ZFAND3: variants seen among roughly 807,000 people sequenced by gnomAD.
ZFAND3 encodes the protein AN1-type zinc finger protein 3.
A neutral mutation model predicts 29.6 loss-of-function variants in ZFAND3; 10 were observed. The observed-to-expected ratio is 0.34, with a 90% confidence interval of 0.21 to 0.57. ZFAND3 has a LOEUF of 0.57. Among genes scored for constraint, ZFAND3 ranks in the 20% least tolerant of loss-of-function variants. ZFAND3 has a pLI of 0.86. For missense variants in ZFAND3, 230 were observed against 304.5 expected, an observed-to-expected ratio of 0.76 and a Z score of 1.82; for synonymous variants, 128 against 112.6, an observed-to-expected ratio of 1.14 and a Z score of -0.87.
At chr6:37,854,184 C>T (rs975856192) in intron 1 of ZFAND3, among the ~76,000 whole-genome samples, 4 of 152,168 alleles carry the variant, frequency 2.6e-5, no homozygotes, top group African/African-American at 7.2e-5. Flanking sequence ...CTCCTGACCT[C>T]AGGTGATCCG....
intron 2 of ZFAND3, among the ~76,000 whole-genome samples, chr6:37,948,613 ATCC>A (rs1407705768): frequency 6.6e-6 from 1 of 152,140 alleles, no homozygotes; most frequent in Non-Finnish European, 1.5e-5. Flanking sequence ...CCCTCCTTCC[ATCC>A]TCCACCCCTA....
intron 2 of ZFAND3, among the ~76,000 whole-genome samples, chr6:37,978,931 C>G (rs1004883863): frequency 2.7e-5 from 4 of 150,774 alleles, no homozygotes; most frequent in Non-Finnish European, 4.4e-5. Flanking sequence ...AGACACCTCT[C>G]ATTTCTGATA....
At chr6:38,090,969 T>A (rs1764855777) in intron 4 of ZFAND3, among the ~76,000 whole-genome samples, 1 of 152,210 alleles carries the variant, frequency 6.6e-6, no homozygotes, top group Non-Finnish European at 1.5e-5. Flanking sequence ...TGTGTCAGTT[T>A]GCTATACTTA....
At chr6:37,935,279 A>G (rs13219500) in intron 2 of ZFAND3, among the ~76,000 whole-genome samples, 12,566 of 152,224 alleles carry the variant, frequency 0.083, 628 homozygotes, top group African/African-American at 0.14. Context: ...TCCAATTATC[A>G]GAGCTGGTCT....
chr6:38,006,766 A>G (rs905928713), intron 2 of ZFAND3, among the ~76,000 whole-genome samples: 3 of 150,420 alleles, frequency 2.0e-5, no homozygotes, highest in Admixed American at 1.3e-4. Context: ...CAAGGGCTTT[A>G]GGAATTGCCT....
intron 2 of ZFAND3, among the ~76,000 whole-genome samples, chr6:38,031,296 TCTC>T (rs1431676997): frequency 6.6e-6 from 1 of 152,214 alleles, no homozygotes; most frequent in Non-Finnish European, 1.5e-5. Flanking sequence ...TTCTGACTCA[TCTC>T]CTCAATACTT....
At chr6:38,001,560 G>C (rs1480089572) in intron 2 of ZFAND3, among the ~76,000 whole-genome samples, 1 of 152,154 alleles carries the variant, frequency 6.6e-6, no homozygotes, top group African/African-American at 2.4e-5. Flanking sequence ...TTGGCCAAAG[G>C]TTCAGAGCTC....
intron 1 of ZFAND3, among the ~76,000 whole-genome samples, chr6:37,861,510 T>C (rs188566303): frequency 5.9e-5 from 9 of 152,258 alleles, no homozygotes; most frequent in Admixed American, 2.0e-4. Flanking sequence ...AAAAGAACTG[T>C]TTCAGGGGCT....
At position 38,144,198 on chromosome 6, in the gene ZFAND3, TATATATATATATAATATATAATATATATA is replaced by T. The variant is rs1562015877; in HGVS notation, c.530-8036_530-8008del. 5.9e-3 allele frequency among the ~76,000 whole-genome samples: 236 copies of T among 40,246 alleles called. 10 individuals carry two copies. The highest frequency in any genetic ancestry group is 0.031 in the African/African-American group (226 of 7,188). The allele number at this position is 40,246 out of a possible 152,430, so 26.4% of individuals were successfully genotyped here. On this transcript the variant is annotated intron_variant, in intron 5 of 5. Transcript: ENST00000287218. ...TATATATATATAATATATATATATATATATATATATATAATATATAATATATATATATATTTTTTTTTTAATAAGGTTGC... is the reference window on the plus strand; with the variant it reads ...TATATATATATAATATATATATATATTATATTTTTTTTTTAATAAGGTTGC...
intron 2 of ZFAND3, among the ~76,000 whole-genome samples, chr6:38,012,773 A>T (rs1169849232): frequency 2.0e-5 from 3 of 152,190 alleles, no homozygotes; most frequent in Non-Finnish European, 4.4e-5. Context: ...GGGGAGGGTG[A>T]TGGATGCATC....
intron 1 of ZFAND3, among the ~76,000 whole-genome samples, chr6:37,880,075 A>G (rs1383722573): frequency 6.6e-6 from 1 of 152,208 alleles, no homozygotes; most frequent in African/African-American, 2.4e-5. Flanking sequence ...CTAACATGAA[A>G]TGTTTTTCTT....
chr6:38,061,565 A>G (rs1317857420), intron 2 of ZFAND3, 28 bp from the exon 3 acceptor site: 4 of 1,613,338 alleles, frequency 2.5e-6, no homozygotes, highest in Non-Finnish European at 3.4e-6. Flanking sequence ...GAACTCCTTA[A>G]TTAAGCTCGT....
intron 1 of ZFAND3, among the ~76,000 whole-genome samples, chr6:37,851,568 C>T (rs1165871210): frequency 2.0e-5 from 3 of 148,152 alleles, no homozygotes; most frequent in Non-Finnish European, 4.5e-5. Flanking sequence ...TTGTTGTTCC[C>T]TACTTACAGT....
chr6:37,873,590 T>G (rs1166136908), intron 1 of ZFAND3, among the ~76,000 whole-genome samples: 3 of 152,226 alleles, frequency 2.0e-5, no homozygotes, highest in African/African-American at 7.2e-5. Context: ...ATATGTAAAT[T>G]GTCTGTTGAC....
chr6:37,929,199 C>T (rs1401867882), intron 1 of ZFAND3, among the ~76,000 whole-genome samples: 2 of 152,304 alleles, frequency 1.3e-5, no homozygotes, highest in East Asian at 1.9e-4. Flanking sequence ...AATTATTCAT[C>T]GCTTGTAACC....
At chr6:38,152,107 C>A (rs963093157) in intron 5 of ZFAND3, 128 bp from the exon 6 acceptor site, 2 of 872,970 alleles carry the variant, frequency 2.3e-6, no homozygotes, top group African/African-American at 1.7e-5. Context: ...GCATCAGGAA[C>A]CCCTGCAGTG....
intron 5 of ZFAND3, among the ~76,000 whole-genome samples, chr6:38,145,867 AAGTGC>A (rs1487706930): frequency 2.0e-5 from 3 of 152,156 alleles, no homozygotes; most frequent in African/African-American, 7.2e-5. Flanking sequence ...CTTCCGAGAG[AAGTGC>A]CCCTACCCCC....
Position 38,039,455 on chromosome 6 carries a change from T to C in ZFAND3, c.113-22138T>C, listed in dbSNP as rs1199215167. Among the ~76,000 whole-genome samples, 23 of 152,332 alleles carry C rather than the reference T, an allele frequency of 1.5e-4. 1 individual carries two copies. The highest frequency in any genetic ancestry group is 1.5e-3 in the Admixed American group (23 of 15,306). ...TGTGTTCTGGGTTGTAAAGGATTTATAATTTTCCCCAGGATTTGCCTCAGA... is the reference window on the plus strand; with the variant it reads ...TGTGTTCTGGGTTGTAAAGGATTTACAATTTTCCCCAGGATTTGCCTCAGA... On this transcript the variant is annotated intron_variant, in intron 2 of 5. Coordinates refer to ENST00000287218, the MANE Select transcript of ZFAND3 (RefSeq NM_021943.3).
At chr6:37,892,701 A>G (rs1765126167) in intron 1 of ZFAND3, among the ~76,000 whole-genome samples, 1 of 152,212 alleles carries the variant, frequency 6.6e-6, no homozygotes, top group African/African-American at 2.4e-5. Flanking sequence ...AAAATTGACA[A>G]ACATTTATAT....
Sources: gnomAD v4.1 joint callset for allele counts (sites outside exome capture counted in the v4.1 genomes callset) on GRCh38, gnomAD v4.1.1 for gene constraint, MANE v1.5 for transcripts, NCBI Gene and HGNC (gene_info 2026-07-23, HGNC 2026-07-21) for gene names.